DBT: variants seen among roughly 807,000 people sequenced by gnomAD.
DBT encodes dihydrolipoamide branched chain transacylase E2.
DBT carries 40 observed loss-of-function variants against 51.3 expected under a neutral mutation model. That is an observed-to-expected ratio of 0.78 (90% CI 0.61 to 1.02). The LOEUF (loss-of-function observed/expected upper bound fraction) is 1.02, where lower values mean the gene tolerates loss of function less well. Ranked by LOEUF, DBT falls within the 50% of genes least tolerant of loss-of-function variation. DBT has a pLI of 0.00. For missense variants in DBT, 510 were observed against 580.2 expected (o/e 0.88, Z 1.24); for synonymous variants, 181 against 190.4 (o/e 0.95, Z 0.41).
Position 100,187,425 on chromosome 1 carries a change from A to G in DBT, c.*8830T>C, listed in dbSNP as rs1660613432. ...CTACTTTTAGTTCTGCAGAAATAAA[A>G]GCTATACTGAATTTAAAACTTTTTA... On this transcript the variant is annotated 3_prime_UTR_variant, in exon 11 of 11. Transcript: ENST00000370132. 1 of 152,276 alleles carries G rather than the reference A, an allele frequency of 6.6e-6. No homozygotes were observed. Among genetic ancestry groups the G allele is most frequent in the Non-Finnish European group, 1.5e-5 (1 of 68,050 alleles). The allele number at this position is 152,276 out of a possible 1,614,324, so 9.4% of individuals were successfully genotyped here.
intron 7 of DBT, chr1:100,213,548 C>A: frequency 6.4e-7 from 1 of 1,567,604 alleles, no homozygotes; most frequent in South Asian, 1.1e-5. Flanking sequence ...GGTCGGGGGG[C>A]TGCAGGACTG....
chr1:100,246,917 G>C (rs926008100), intron 1 of DBT, among the ~76,000 whole-genome samples: 1 of 152,218 alleles, frequency 6.6e-6, no homozygotes, highest in African/African-American at 2.4e-5. Context: ...CCGGGGATGA[G>C]GTATGTTGCA....
At chr1:100,234,801 T>A (rs1663771360) in intron 3 of DBT, among the ~76,000 whole-genome samples, 1 of 152,116 alleles carries the variant, frequency 6.6e-6, no homozygotes, top group South Asian at 2.1e-4. Flanking sequence ...AAAGCAATAA[T>A]AATAAGTACA....
rs71084808 is a variant in DBT, at chr1:100,225,052, T to TACACACAC, written c.433+5673_433+5680dup. The stretch of plus-strand genomic sequence containing the variant: ...AAAAAAAAAAAAAAAAATATATATA[T>TACACACAC]ACACACACACACACACACACACACA... On this transcript the variant is annotated intron_variant, in intron 4 of 10. Coordinates refer to ENST00000370132, the MANE Select transcript of DBT (RefSeq NM_001918.5). Among the ~76,000 whole-genome samples the TACACACAC allele has an allele frequency of 2.7e-3, 213 of 79,004 alleles. 9 individuals carry two copies. The highest frequency in any genetic ancestry group is 8.1e-3 in the African/African-American group (161 of 19,888). 51.8% of individuals were successfully genotyped at this position (79,004 alleles called of 152,430 possible). A position where few individuals can be genotyped will look rare whatever the true frequency, so the allele number is the denominator to read the frequency against.
chr1:100,237,670 ACT>A (rs1663962555), intron 2 of DBT, among the ~76,000 whole-genome samples: 1 of 152,048 alleles, frequency 6.6e-6, no homozygotes, highest in Non-Finnish European at 1.5e-5. Context: ...ACAGGGTCTC[ACT>A]CTGTTGCCCA....
intron 4 of DBT, among the ~76,000 whole-genome samples, chr1:100,221,671 G>A (rs1479764389): frequency 6.6e-6 from 1 of 152,140 alleles, no homozygotes; most frequent in East Asian, 1.9e-4. Context: ...GGGAATTAGA[G>A]TACAGTTTTA....
rs571052043 is a variant in DBT, at chr1:100,212,784, G to A, written c.940-2013C>T. Reference sequence around the variant, plus strand: ...TCGAGAAGAACGGGCACTTCAGGTGGAATTGTGTATTCCAGCAATTATGGG... The same window carrying A: ...TCGAGAAGAACGGGCACTTCAGGTGAAATTGTGTATTCCAGCAATTATGGG... On this transcript the variant is annotated intron_variant, in intron 7 of 10. Coordinates refer to ENST00000370132, the MANE Select transcript of DBT (RefSeq NM_001918.5). Among the ~76,000 whole-genome samples, 12 of 152,294 alleles carry A rather than the reference G, an allele frequency of 7.9e-5. No individual in the cohort carries two copies. The South Asian group carries it at 2.3e-3, about 29-fold the overall frequency.
intron 5 of DBT, among the ~76,000 whole-genome samples, chr1:100,216,721 T>C (rs966135142): frequency 6.6e-6 from 1 of 152,220 alleles, no homozygotes; most frequent in African/African-American, 2.4e-5. Context: ...TTTAGACCAA[T>C]GTTTCTGACA....
intron 7 of DBT, 61 bp from the exon 8 acceptor site, chr1:100,210,832 GA>G (rs1157039794): frequency 6.3e-7 from 1 of 1,598,532 alleles, no homozygotes; most frequent in Admixed American, 1.7e-5. Context: ...TAGAGAATTT[GA>G]AACAATAAGA....
chr1:100,240,537 A>AT (rs895068124), intron 2 of DBT, among the ~76,000 whole-genome samples: 11 of 152,032 alleles, frequency 7.2e-5, no homozygotes, highest in Admixed American at 2.0e-4. Context: ...CTAAAAAAAA[A>AT]TTTTTTTTAA....
At chr1:100,227,615 C>T (rs1178740008) in intron 4 of DBT, among the ~76,000 whole-genome samples, 1 of 152,108 alleles carries the variant, frequency 6.6e-6, no homozygotes, top group Admixed American at 6.5e-5. Flanking sequence ...ACATAATTTT[C>T]TGGTTACAAA....
At chr1:100,237,984 T>C (rs2100838857) in intron 2 of DBT, among the ~76,000 whole-genome samples, 1 of 152,238 alleles carries the variant, frequency 6.6e-6, no homozygotes, top group Non-Finnish European at 1.5e-5. Flanking sequence ...TCAAAGCCAT[T>C]TGAAAAGAAG....
At chr1:100,214,620 G>A (rs1662373819) in intron 7 of DBT, among the ~76,000 whole-genome samples, 197 bp downstream of exon 7, 1 of 152,172 alleles carries the variant, frequency 6.6e-6, no homozygotes, top group Non-Finnish European at 1.5e-5. Flanking sequence ...CAGGCGTGGT[G>A]GCAGGTGCCT....
intron 10 of DBT, among the ~76,000 whole-genome samples, chr1:100,203,818 A>T (rs1661593101): frequency 1.3e-5 from 2 of 152,232 alleles, no homozygotes; most frequent in Non-Finnish European, 1.5e-5. Context: ...AATAAACATA[A>T]TCCATCACAT....
chr1:100,210,769 A>G lies in DBT; in HGVS notation c.942T>C (p.Ala314=). The change falls in exon 8 of 11, where the codon GCT becomes GCC. Residue 314 remains alanine (A), a splice_region_variant and synonymous_variant. Transcript: ENST00000370132. ...KLSFMPFFLK[A]ASLGLLQFPI... ...GAAACTGTAGTAATCCCAAGGAAGCAGCCTGTTTAACAGAAAAAGAATGCA... is the reference window on the plus strand; with the variant it reads ...GAAACTGTAGTAATCCCAAGGAAGCGGCCTGTTTAACAGAAAAAGAATGCA... 6.2e-7 allele frequency: 1 copy of G among 1,613,678 alleles called. No homozygotes were observed. The highest frequency in any genetic ancestry group is 8.5e-7 in the Non-Finnish European group (1 of 1,179,630).
intron 7 of DBT, 80 bp downstream of exon 7, chr1:100,214,735 CAA>C: frequency 1.4e-6 from 2 of 1,452,472 alleles, no homozygotes; most frequent in South Asian, 2.3e-5. Context: ...GCCTGGGTGA[CAA>C]GAGCAAAACT....
chr1:100,219,775 A>C (rs1344705382), intron 4 of DBT, among the ~76,000 whole-genome samples: 1 of 152,148 alleles, frequency 6.6e-6, no homozygotes, highest in Admixed American at 6.5e-5. Flanking sequence ...GAATCATATA[A>C]AATCTATGAA....
At chr1:100,242,801 C>A (rs1383784428) in intron 1 of DBT, among the ~76,000 whole-genome samples, 2 of 152,122 alleles carry the variant, frequency 1.3e-5, no homozygotes, top group Non-Finnish European at 2.9e-5. Context: ...ATAGATTCAC[C>A]TTAATTTAAA....
In DBT at chr1:100,189,880, T is replaced by G. The variant is rs1027843348; in HGVS notation, c.*6375A>C. On this transcript the variant is annotated 3_prime_UTR_variant, in exon 11 of 11. Coordinates refer to ENST00000370132, the MANE Select transcript of DBT (RefSeq NM_001918.5). Reference sequence around the variant, plus strand: ...TATCCAATAGAATTTTCTGTGATGATGGAAACAGTCTACATCTGTGCTATC... The same window carrying G: ...TATCCAATAGAATTTTCTGTGATGAGGGAAACAGTCTACATCTGTGCTATC... The G allele has an allele frequency of 6.6e-6, 1 of 152,324 alleles. No homozygotes were observed. The highest frequency in any genetic ancestry group is 6.5e-5 in the Admixed American group (1 of 15,306). 9.4% of individuals were successfully genotyped at this position (152,324 alleles called of 1,614,324 possible). A position where few individuals can be genotyped will look rare whatever the true frequency, so the allele number is the denominator to read the frequency against.
Sources: gnomAD v4.1 joint callset for allele counts (sites outside exome capture counted in the v4.1 genomes callset) on GRCh38, gnomAD v4.1.1 for gene constraint, MANE v1.5 for transcripts, NCBI Gene and HGNC (gene_info 2026-07-23, HGNC 2026-07-21) for gene names.